The following AKT3 variants were observed in gnomAD, a reference collection of about 807,000 sequenced individuals.
AKT3 encodes AKT serine/threonine kinase 3.
A neutral mutation model predicts 65.3 loss-of-function variants in AKT3; 15 were observed. That is an observed-to-expected ratio of 0.23 (90% confidence interval 0.15 to 0.35). AKT3 has a LOEUF of 0.35. Ranked by LOEUF, AKT3 falls within the 10% of genes least tolerant of loss-of-function variation. The probability of loss-of-function intolerance (pLI) is 1.00; values close to 1 mark genes in which losing one functional copy is unlikely to be tolerated. For synonymous variants in AKT3, 206 were observed against 183.8 expected, an observed-to-expected ratio of 1.12 and a Z score of -0.98; for missense variants, 243 against 576.5, an observed-to-expected ratio of 0.42 and a Z score of 5.92.
chr1:243,707,435 A>G (rs917080668), intron 2 of AKT3, among the ~76,000 whole-genome samples: 1 of 152,168 alleles, frequency 6.6e-6, no homozygotes, highest in Non-Finnish European at 1.5e-5. Context: ...TGAAAGACTG[A>G]CAATACCAAC....
At chr1:243,798,606 A>C (rs942029279) in intron 2 of AKT3, among the ~76,000 whole-genome samples, 2 of 151,880 alleles carry the variant, frequency 1.3e-5, no homozygotes, top group African/African-American at 4.8e-5. Flanking sequence ...TCTCTCTGTT[A>C]TCTTTCCATC....
intron 4 of AKT3, among the ~76,000 whole-genome samples, chr1:243,657,890 G>A (rs952212694): frequency 6.6e-6 from 1 of 152,070 alleles, no homozygotes; most frequent in Non-Finnish European, 1.5e-5. Context: ...ACACAATGTG[G>A]AAATATAATG....
In AKT3 at chr1:243,792,146, A is replaced by C. The variant is rs1572356182; in HGVS notation, c.46+50979T>G. Among the ~76,000 whole-genome samples, 4 of 45,632 alleles carry C rather than the reference A, an allele frequency of 8.8e-5. No individual in the cohort carries two copies. The Admixed American group carries it at 1.0e-3, about 11-fold the overall frequency. The allele number at this position is 45,632 out of a possible 152,430, so 29.9% of individuals were successfully genotyped here. A position where few individuals can be genotyped will look rare whatever the true frequency, so the allele number is the denominator to read the frequency against. On this transcript the variant is annotated intron_variant, in intron 2 of 13. Coordinates refer to ENST00000673466, the MANE Select transcript of AKT3 (RefSeq NM_005465.7). ...ACTAGGGAACGTTCACTGTTCTTGC[A>C]CAAACAATAATAAGTCATTTATACA... is the stretch of plus-strand genomic sequence containing the variant.
intron 6 of AKT3, among the ~76,000 whole-genome samples, chr1:243,619,169 A>G (rs1678557666): frequency 6.6e-6 from 1 of 152,162 alleles, no homozygotes; most frequent in Non-Finnish European, 1.5e-5. Flanking sequence ...CTAGAGGAAG[A>G]CACGAATCAG....
intron 8 of AKT3, among the ~76,000 whole-genome samples, chr1:243,606,588 G>A (rs1037340083): frequency 5.3e-5 from 8 of 152,184 alleles, no homozygotes; most frequent in Non-Finnish European, 8.8e-5. Flanking sequence ...AGAAAAGTTT[G>A]CAAAATTTGC....
intron 8 of AKT3, among the ~76,000 whole-genome samples, chr1:243,594,056 A>G (rs558802861): frequency 2.0e-5 from 3 of 152,232 alleles, no homozygotes; most frequent in Non-Finnish European, 4.4e-5. Flanking sequence ...CATTTCAAAG[A>G]AATTTAGAAA....
intron 2 of AKT3, among the ~76,000 whole-genome samples, chr1:243,803,172 T>C (rs994940524): frequency 6.6e-6 from 1 of 152,058 alleles, no homozygotes; most frequent in Non-Finnish European, 1.5e-5. Flanking sequence ...TAATAACAGT[T>C]ATCACTTATC....
intron 12 of AKT3, among the ~76,000 whole-genome samples, chr1:243,540,700 C>T (rs1251024211): frequency 1.3e-5 from 2 of 152,110 alleles, no homozygotes; most frequent in Admixed American, 1.3e-4. Flanking sequence ...CCTGCCTAGT[C>T]CAGGACCCAA....
In AKT3 at chr1:243,620,067, C is replaced by T. The variant is rs144989281; in HGVS notation, c.562-4906G>A. 2.1e-4 allele frequency among the ~76,000 whole-genome samples: 21 copies of T among 97,976 alleles called. 7 individuals carry two copies. The East Asian group carries it at 4.1e-3, about 19-fold the overall frequency. The allele number at this position is 97,976 out of a possible 152,430, so 64.3% of individuals were successfully genotyped here. On this transcript the variant is annotated intron_variant, in intron 6 of 13. Coordinates refer to ENST00000673466, the MANE Select transcript of AKT3 (RefSeq NM_005465.7). ...ATCTTGAATTGTAATCCCCATAATC[C>T]CTACATGTCGAGGGAGAGACCTGCT...
At chr1:243,754,245 C>T (rs1286137688) in intron 2 of AKT3, among the ~76,000 whole-genome samples, 1 of 152,154 alleles carries the variant, frequency 6.6e-6, no homozygotes, top group Non-Finnish European at 1.5e-5. Context: ...ATTATGGAGT[C>T]ATTATTTTCT....
At chr1:243,689,929 A>C (rs565306624) in intron 3 of AKT3, among the ~76,000 whole-genome samples, 2 of 152,292 alleles carry the variant, frequency 1.3e-5, no homozygotes, top group African/African-American at 4.8e-5. Flanking sequence ...TGGGTGACAG[A>C]GTGAGATCTT....
chr1:243,495,487 G>GGAAGAATGGCCGCTGCCCTGCGAT (rs1667595281), downstream of AKT3, among the ~76,000 whole-genome samples: 1 of 152,236 alleles, frequency 6.6e-6, no homozygotes, highest in Admixed American at 6.5e-5. Flanking sequence ...CAGCCAGGAG[G>GGAAGAATGGCCGCTGCCCTGCGAT]GAAGAATGGC....
intron 13 of AKT3, among the ~76,000 whole-genome samples, chr1:243,509,918 C>A (rs1669915004): frequency 6.6e-6 from 1 of 152,160 alleles, no homozygotes; most frequent in South Asian, 2.1e-4. Context: ...AGGCAGGACA[C>A]AAGGCAGGTT....
chr1:243,808,217 C>T (rs1213395595), intron 2 of AKT3: 2 of 151,900 alleles, frequency 1.3e-5, no homozygotes, highest in African/African-American at 2.4e-5. Context: ...AGGCTTCAGA[C>T]AATCAAACTT....
chr1:243,838,476 T>C (rs1332362391), intron 2 of AKT3, among the ~76,000 whole-genome samples: 1 of 151,600 alleles, frequency 6.6e-6, no homozygotes, highest in East Asian at 1.9e-4. Context: ...AGTCATTTTG[T>C]GAATAAAAAA....
intron 2 of AKT3, among the ~76,000 whole-genome samples, chr1:243,770,193 C>T (rs889802837): frequency 6.6e-6 from 1 of 152,120 alleles, no homozygotes; most frequent in African/African-American, 2.4e-5. Context: ...TTTTTGACTG[C>T]ACCTAGCACA....
chr1:243,739,867 G>T (rs745473926), intron 2 of AKT3, among the ~76,000 whole-genome samples: 3 of 152,184 alleles, frequency 2.0e-5, no homozygotes, highest in Non-Finnish European at 4.4e-5. Flanking sequence ...AGTCCCTCAG[G>T]TTTCAAATTA....
At chr1:243,760,282 CT>C (rs58733457) in intron 2 of AKT3, among the ~76,000 whole-genome samples, 276 of 80,846 alleles carry the variant, frequency 3.4e-3, no homozygotes, top group East Asian at 0.02. Context: ...CTATATCTGG[CT>C]TTTTTTTTTT....
At chr1:243,795,095 C>T (rs1000607176) in intron 2 of AKT3, among the ~76,000 whole-genome samples, 2 of 151,426 alleles carry the variant, frequency 1.3e-5, no homozygotes, top group Non-Finnish European at 1.5e-5. Context: ...CTGTTTTCTC[C>T]CAGTGTTCCA....
Sources: allele counts gnomAD v4.1 joint callset (sites outside exome capture counted in the v4.1 genomes callset), GRCh38; gene constraint gnomAD v4.1.1; transcripts MANE v1.5; gene names NCBI Gene and HGNC (gene_info 2026-07-23, HGNC 2026-07-21).